ASAH2B: variants seen among roughly 807,000 people sequenced by gnomAD.
The protein encoded by ASAH2B is N-acylsphingosine amidohydrolase 2B.
Under a neutral mutation model 2.9 loss-of-function variants are expected in ASAH2B, and 1 was observed. That is an observed-to-expected ratio of 0.34 (90% CI 0.12 to 1.63). The LOEUF (loss-of-function observed/expected upper bound fraction) is 1.63, where lower values mean the gene tolerates loss of function less well. Ranked by LOEUF, ASAH2B falls within the 40% of genes most tolerant of loss-of-function variation. ASAH2B has a pLI of 0.36. For missense variants in ASAH2B, 9 were observed against 37.7 expected (o/e 0.24, Z 1.99); for synonymous variants, 4 against 13.3 (o/e 0.30, Z 1.52).
rs1469851589 is a variant in ASAH2B, at chr10:50,741,860, A to G, written c.-99-1055A>G. Among the ~76,000 whole-genome samples, 3 of 152,144 alleles carry G rather than the reference A, an allele frequency of 2.0e-5. No individual in the cohort carries two copies. The East Asian group carries it at 5.8e-4, about 29-fold the overall frequency. On this transcript the variant is annotated intron_variant, in intron 1 of 5. Coordinates refer to ENST00000647317, the MANE Select transcript of ASAH2B (RefSeq NM_001321958.2). Reference sequence around the variant, plus strand: ...TAAAATTTTGTGATTTAGAAAGGTCAATAGATGGCAGTGTAGAAAATGAAT... The same window carrying G: ...TAAAATTTTGTGATTTAGAAAGGTCGATAGATGGCAGTGTAGAAAATGAAT...
At chr10:50,748,596 T>G (rs1029431008) in intron 3 of ASAH2B, among the ~76,000 whole-genome samples, 2 of 151,376 alleles carry the variant, frequency 1.3e-5, no homozygotes, top group African/African-American at 4.9e-5. Flanking sequence ...GCATGCAAAC[T>G]TGAGGGGAGC....
At chr10:50,742,876 A>G (rs748134354) in intron 1 of ASAH2B, 39 bp from the exon 2 acceptor site, 1 of 1,606,480 alleles carries the variant, frequency 6.2e-7, no homozygotes, top group Non-Finnish European at 8.5e-7. Context: ...GGATTTAAAT[A>G]TGCAGAACCA....
At chr10:50,748,036 A>G (rs972458936) in intron 3 of ASAH2B, among the ~76,000 whole-genome samples, 3 of 150,518 alleles carry the variant, frequency 2.0e-5, no homozygotes, top group African/African-American at 7.3e-5. Flanking sequence ...CAAAATTTTT[A>G]TTACTAATTC....
chr10:50,742,277 G>A (rs1839842476), intron 1 of ASAH2B, among the ~76,000 whole-genome samples: 1 of 152,160 alleles, frequency 6.6e-6, no homozygotes, highest in Non-Finnish European at 1.5e-5. Context: ...ATAGGATACA[G>A]GATGAGGGAG....
At position 50,742,943 on chromosome 10, in the gene ASAH2B, T is replaced by G; in HGVS notation, c.-71T>G. On this transcript the variant is annotated 5_prime_UTR_variant, in exon 2 of 6. Transcript: ENST00000647317. ...CAGCGATATGAGGCAGCATCGACAATTTATGGACCGCACGCATTATCTGCT... is the reference window on the plus strand; with the variant it reads ...CAGCGATATGAGGCAGCATCGACAAGTTATGGACCGCACGCATTATCTGCT... 2 of 1,614,008 alleles carry G rather than the reference T, an allele frequency of 1.2e-6. No individual in the cohort carries two copies. The highest frequency in any genetic ancestry group is 4.5e-5 in the East Asian group (2 of 44,874).
At chr10:50,743,401 C>T (rs1588928483) in intron 2 of ASAH2B, among the ~76,000 whole-genome samples, 1 of 150,716 alleles carries the variant, frequency 6.6e-6, no homozygotes, top group South Asian at 2.1e-4. Flanking sequence ...GCCAGATTCT[C>T]CCCACTCACT....
At position 50,758,835 on chromosome 10, in the gene ASAH2B, ACT is replaced by A. The variant is rs938568035; in HGVS notation, c.*4096_*4097del. Reference sequence around the variant, plus strand: ...AAAGCAAACGGATGAACAGGTAATTACTGTACAGAGTGACCCATATTGTTATT... The same window carrying A: ...AAAGCAAACGGATGAACAGGTAATTAGTACAGAGTGACCCATATTGTTATT... On this transcript the variant is annotated 3_prime_UTR_variant, in exon 6 of 6. Coordinates refer to ENST00000647317, the MANE Select transcript of ASAH2B (RefSeq NM_001321958.2). 31 of 152,136 alleles carry A rather than the reference ACT, an allele frequency of 2.0e-4. No homozygotes were observed. The highest frequency in any genetic ancestry group is 7.5e-4 in the African/African-American group (31 of 41,558). The allele number at this position is 152,136 out of a possible 1,614,324, so 9.4% of individuals were successfully genotyped here.
chr10:50,746,385 C>G (rs548956682), intron 3 of ASAH2B, among the ~76,000 whole-genome samples: 42 of 151,478 alleles, frequency 2.8e-4, no homozygotes, highest in Non-Finnish European at 5.2e-4. Context: ...ACTACATTTT[C>G]TTTATCCATT....
chr10:50,757,499 G>T lies in ASAH2B; in HGVS notation c.*2759G>T, dbSNP rs1413526096. The stretch of plus-strand genomic sequence containing the variant: ...TTCCTGCGCTAATTCTGAACAAAAA[G>T]ACCAAGAATGAATTTACTTATGAAT... On this transcript the variant is annotated 3_prime_UTR_variant, in exon 6 of 6. Coordinates refer to ENST00000647317, the MANE Select transcript of ASAH2B (RefSeq NM_001321958.2). 4 of 147,814 alleles carry T rather than the reference G, an allele frequency of 2.7e-5. No homozygotes were observed. The highest frequency in any genetic ancestry group is 9.8e-5 in the African/African-American group (4 of 40,922). The allele number at this position is 147,814 out of a possible 1,614,324, so 9.2% of individuals were successfully genotyped here.
chr10:50,743,913 G>A (rs866756500), intron 2 of ASAH2B, among the ~76,000 whole-genome samples: 1 of 151,170 alleles, frequency 6.6e-6, no homozygotes, highest in Admixed American at 6.6e-5. Flanking sequence ...GGTTGTCTCT[G>A]TAGGTTGCAT....
chr10:50,740,928 T>TA (rs1452847663), intron 1 of ASAH2B, among the ~76,000 whole-genome samples: 2 of 151,776 alleles, frequency 1.3e-5, no homozygotes. Context: ...GTAGATGAGT[T>TA]ATAATTCAGG....
intron 5 of ASAH2B, among the ~76,000 whole-genome samples, chr10:50,754,254 G>A (rs1220682225): frequency 2.0e-5 from 3 of 146,854 alleles, no homozygotes; most frequent in African/African-American, 7.6e-5. Context: ...TCTACAGCAG[G>A]AGAGACATCT....
chr10:50,756,436 C>T lies in ASAH2B; in HGVS notation c.*1696C>T, dbSNP rs1837091274. On this transcript the variant is annotated 3_prime_UTR_variant, in exon 6 of 6. Transcript: ENST00000647317. ...GTCTTCAGTGTAAAAGTTCAGAAGCCTAAAAGAACAAGTGATCCTGAAAGT... is the reference window on the plus strand; with the variant it reads ...GTCTTCAGTGTAAAAGTTCAGAAGCTTAAAAGAACAAGTGATCCTGAAAGT... 6.6e-6 allele frequency: 1 copy of T among 151,892 alleles called. No individual in the cohort carries two copies. The highest frequency in any genetic ancestry group is 2.4e-5 in the African/African-American group (1 of 41,418). The allele number at this position is 151,892 out of a possible 1,614,324, so 9.4% of individuals were successfully genotyped here.
At chr10:50,740,477 G>C (rs531252946) in intron 1 of ASAH2B, among the ~76,000 whole-genome samples, 1 of 152,074 alleles carries the variant, frequency 6.6e-6, no homozygotes, top group African/African-American at 2.4e-5. Context: ...GTTTCCGCTC[G>C]TGTTGTGTGT....
chr10:50,740,866 T>G (rs1241402804), intron 1 of ASAH2B, among the ~76,000 whole-genome samples: 2 of 152,218 alleles, frequency 1.3e-5, no homozygotes, highest in Non-Finnish European at 2.9e-5. Context: ...CAGGCATCAT[T>G]TAGAACCAGT....
At position 50,756,406 on chromosome 10, in the gene ASAH2B, C is replaced by T. The variant is rs1837090002; in HGVS notation, c.*1666C>T. ...TGTTGTGATCTTTTTTCTGATGACG[C>T]CACAGTCTTCAGTGTAAAAGTTCAG... On this transcript the variant is annotated 3_prime_UTR_variant, in exon 6 of 6. Transcript: ENST00000647317. The T allele has an allele frequency of 6.6e-6, 1 of 151,802 alleles. No homozygotes were observed. The highest frequency in any genetic ancestry group is 6.6e-5 in the Admixed American group (1 of 15,200). The allele number at this position is 151,802 out of a possible 1,614,324, so 9.4% of individuals were successfully genotyped here.
At chr10:50,749,921 TAGGAG>T (rs1839965214) in intron 4 of ASAH2B, among the ~76,000 whole-genome samples, 1 of 120,872 alleles carries the variant, frequency 8.3e-6, no homozygotes, top group Non-Finnish European at 1.7e-5. Flanking sequence ...ATAGCCTAGG[TAGGAG>T]GTTACACCAT....
At chr10:50,748,132 T>C (rs1161768353) in intron 3 of ASAH2B, among the ~76,000 whole-genome samples, 1 of 146,974 alleles carries the variant, frequency 6.8e-6, no homozygotes, top group Non-Finnish European at 1.5e-5. Context: ...TTTATCTTTA[T>C]AGGAATTGGT....
intron 5 of ASAH2B, among the ~76,000 whole-genome samples, chr10:50,754,061 A>G (rs1182840999): frequency 6.9e-6 from 1 of 144,764 alleles, no homozygotes; most frequent in Non-Finnish European, 1.5e-5. Flanking sequence ...ACTTGGGACC[A>G]TATCTATCTT....
Sources: gnomAD v4.1 joint callset for allele counts (sites outside exome capture counted in the v4.1 genomes callset) on GRCh38, gnomAD v4.1.1 for gene constraint, MANE v1.5 for transcripts, NCBI Gene and HGNC (gene_info 2026-07-23, HGNC 2026-07-21) for gene names.